The following ELF1 variants were observed in gnomAD, a reference collection of about 807,000 sequenced individuals.
ELF1 encodes ETS-related transcription factor Elf-1.
In ELF1, 24 loss-of-function variants were observed where a neutral mutation model predicts 59.9. The ratio of observed to expected loss-of-function variants is 0.40; its 90% CI spans 0.29 to 0.56. ELF1 has a LOEUF of 0.56. ELF1 is among the 20% of genes least tolerant of loss of function. ELF1 has a pLI of 0.44. For missense variants in ELF1, 627 were observed against 742.2 expected (o/e 0.84, Z 1.80); for synonymous variants, 248 against 266.2 (o/e 0.93, Z 0.67).
chr13:41,054,980 G>C (rs1033585014), intron 1 of ELF1, among the ~76,000 whole-genome samples: 27 of 152,282 alleles, frequency 1.8e-4, no homozygotes, highest in African/African-American at 6.5e-4. Context: ...GCTTTAAATA[G>C]ACCTTGCTTG....
chr13:40,973,247 A>G (rs1322799793), intron 2 of ELF1, among the ~76,000 whole-genome samples: 1 of 152,172 alleles, frequency 6.6e-6, no homozygotes, highest in African/African-American at 2.4e-5. Flanking sequence ...TCAACATCAC[A>G]TTTAGTGGGA....
chr13:40,945,491 CT>C (rs1057487300), intron 5 of ELF1, among the ~76,000 whole-genome samples: 2 of 151,904 alleles, frequency 1.3e-5, no homozygotes, highest in South Asian at 4.2e-4. Flanking sequence ...CGGTCGGCTT[CT>C]TTTTTTTGAG....
chr13:40,943,973 G>T, intron 5 of ELF1, 48 bp from the exon 6 acceptor site: 1 of 1,560,298 alleles, frequency 6.4e-7, no homozygotes, highest in Non-Finnish European at 8.8e-7. Context: ...AAAAGTGAGA[G>T]AAAATGGACA....
chr13:41,010,582 C>A (rs889701917), intron 1 of ELF1, among the ~76,000 whole-genome samples: 1 of 151,572 alleles, frequency 6.6e-6, no homozygotes, highest in Non-Finnish European at 1.5e-5. Context: ...TTTCTCTAAT[C>A]TTTATATAAT....
intron 1 of ELF1, among the ~76,000 whole-genome samples, chr13:41,004,766 T>C (rs1187817204): frequency 6.6e-6 from 1 of 152,168 alleles, no homozygotes. Context: ...AATTTTTTTA[T>C]GGCCTAAAAA....
rs548699306 is a variant in ELF1, at chr13:40,934,581, C to T, written c.1257-553G>A. Among the ~76,000 whole-genome samples the T allele has an allele frequency of 2.6e-5, 4 of 151,966 alleles. No individual in the cohort carries two copies. In the East Asian group the frequency reaches 5.8e-4, roughly 22 times the overall value. ...GATTATAGTCACGTGCCACCACGCCCGGCTAATTTTTGTAGTTTTAATTGA... is the reference window on the plus strand; with the variant it reads ...GATTATAGTCACGTGCCACCACGCCTGGCTAATTTTTGTAGTTTTAATTGA... On this transcript the variant is annotated intron_variant, in intron 8 of 8. Transcript: ENST00000239882.
chr13:41,022,163 T>C (rs1010276347), upstream of ELF1, among the ~76,000 whole-genome samples: 1 of 152,186 alleles, frequency 6.6e-6, no homozygotes, highest in Admixed American at 6.5e-5. Context: ...TGTCCATCAA[T>C]GTGTGAATGG....
chr13:40,968,350 T>G (rs1420399348), intron 2 of ELF1, among the ~76,000 whole-genome samples: 2 of 152,146 alleles, frequency 1.3e-5, no homozygotes, highest in East Asian at 3.8e-4. Flanking sequence ...GTGAACAAAG[T>G]GAAAAGTTGA....
chr13:40,999,383 T>C (rs924586716), intron 1 of ELF1, among the ~76,000 whole-genome samples: 7 of 152,148 alleles, frequency 4.6e-5, no homozygotes, highest in African/African-American at 1.7e-4. Flanking sequence ...ATATATTGTG[T>C]CTGTGCGTGT....
intron 2 of ELF1, among the ~76,000 whole-genome samples, chr13:40,962,092 A>T (rs1871859767): frequency 6.6e-6 from 1 of 152,076 alleles, no homozygotes; most frequent in Non-Finnish European, 1.5e-5. Context: ...ACCAGTAGTT[A>T]CTCTATTCTC....
At chr13:41,038,408 T>C (rs1206981281) in intron 1 of ELF1, among the ~76,000 whole-genome samples, 3 of 152,136 alleles carry the variant, frequency 2.0e-5, no homozygotes, top group Non-Finnish European at 4.4e-5. Flanking sequence ...TCCCAGCTAC[T>C]GGGGAGGCTG....
rs34245662 is a variant in ELF1, at chr13:40,956,571, C to CAA, written c.253+2263_253+2264dup. ...TCTGCGAGAAACACCCAAGAATGATCAAAAAAAAAAAAAAAAAAAAAAAGA... is the reference window on the plus strand; with the variant it reads ...TCTGCGAGAAACACCCAAGAATGATCAAAAAAAAAAAAAAAAAAAAAAAAAGA... On this transcript the variant is annotated intron_variant, in intron 3 of 8. Coordinates refer to ENST00000239882, the MANE Select transcript of ELF1 (RefSeq NM_172373.4). Among the ~76,000 whole-genome samples the CAA allele has an allele frequency of 4.4e-3, 337 of 75,860 alleles. 1 individual carries two copies. The highest frequency in any genetic ancestry group is 0.011 in the African/African-American group (245 of 21,518). The allele number at this position is 75,860 out of a possible 152,430, so 49.8% of individuals were successfully genotyped here. A position where few individuals can be genotyped will look rare whatever the true frequency, so the allele number is the denominator to read the frequency against.
At chr13:41,031,287 T>A (rs893493164) in intron 1 of ELF1, among the ~76,000 whole-genome samples, 1 of 152,240 alleles carries the variant, frequency 6.6e-6, no homozygotes, top group Non-Finnish European at 1.5e-5. Context: ...ACCAGTAATG[T>A]ACCTGAGAGC....
intron 1 of ELF1, among the ~76,000 whole-genome samples, chr13:41,008,524 C>A (rs1406519540): frequency 6.6e-6 from 1 of 151,582 alleles, no homozygotes; most frequent in Non-Finnish European, 1.5e-5. Flanking sequence ...TCAACATTTG[C>A]AATACCCAAA....
intron 1 of ELF1, among the ~76,000 whole-genome samples, chr13:41,053,426 T>C (rs1593415374): frequency 1.3e-5 from 2 of 152,328 alleles, no homozygotes; most frequent in East Asian, 3.9e-4. Context: ...AAGGTCCTTA[T>C]GGTAAAGTAC....
chr13:41,015,307 C>T (rs2138376484), intron 1 of ELF1, among the ~76,000 whole-genome samples: 1 of 151,836 alleles, frequency 6.6e-6, no homozygotes, highest in African/African-American at 2.4e-5. Flanking sequence ...AGACGGATAG[C>T]CACATAGTTG....
At chr13:40,974,777 T>G (rs946135325) in intron 2 of ELF1, among the ~76,000 whole-genome samples, 1 of 152,170 alleles carries the variant, frequency 6.6e-6, no homozygotes, top group Non-Finnish European at 1.5e-5. Flanking sequence ...GACTCCTCTT[T>G]CATAACAACT....
At chr13:41,052,854 C>T (rs959863589) in intron 1 of ELF1, among the ~76,000 whole-genome samples, 4 of 152,196 alleles carry the variant, frequency 2.6e-5, no homozygotes, top group South Asian at 2.1e-4. Context: ...CCTACATAAA[C>T]GTGCACTTTC....
chr13:40,998,926 T>C (rs923375499), intron 1 of ELF1, among the ~76,000 whole-genome samples: 1 of 152,186 alleles, frequency 6.6e-6, no homozygotes, highest in Non-Finnish European at 1.5e-5. Flanking sequence ...TGCACACATG[T>C]AGTCACAGGT....
Sources: allele counts gnomAD v4.1 joint callset (sites outside exome capture counted in the v4.1 genomes callset), GRCh38; gene constraint gnomAD v4.1.1; transcripts MANE v1.5; gene names NCBI Gene and HGNC (gene_info 2026-07-23, HGNC 2026-07-21).